Variants in VTI1A observed in about 807,000 individuals in gnomAD.
VTI1A encodes the protein vesicle transport through interaction with t-SNAREs 1A.
VTI1A carries 22 observed loss-of-function variants against 34.9 expected under a neutral mutation model. The ratio of observed to expected loss-of-function variants is 0.63; its 90% CI spans 0.45 to 0.90. VTI1A has a LOEUF of 0.90. VTI1A is among the 40% of genes least tolerant of loss of function. VTI1A has a pLI of 0.00. For synonymous variants in VTI1A, 87 were observed against 97.3 expected (o/e 0.89, Z 0.62); for missense variants, 268 against 275.6 (o/e 0.97, Z 0.20).
intron 7 of VTI1A, among the ~76,000 whole-genome samples, chr10:112,739,045 A>G (rs1483078392): frequency 6.6e-6 from 1 of 152,146 alleles, no homozygotes. Context: ...GGCAGGTGGA[A>G]TGTTGCACAG....
intron 7 of VTI1A, among the ~76,000 whole-genome samples, chr10:112,811,257 C>G (rs1853281182): frequency 6.6e-6 from 1 of 152,122 alleles, no homozygotes; most frequent in African/African-American, 2.4e-5. Context: ...CAATACAGCC[C>G]CTCCCTCCCC....
chr10:112,674,734 A>T (rs2133847892), intron 7 of VTI1A, among the ~76,000 whole-genome samples: 1 of 152,308 alleles, frequency 6.6e-6, no homozygotes, highest in African/African-American at 2.4e-5. Context: ...GGTGAGGCAA[A>T]CTGTGCTTAG....
At chr10:112,555,142 C>G (rs1205636873) in intron 5 of VTI1A, among the ~76,000 whole-genome samples, 3 of 151,948 alleles carry the variant, frequency 2.0e-5, no homozygotes, top group African/African-American at 7.2e-5. Context: ...TAACATGTTA[C>G]TATTTAATTT....
intron 5 of VTI1A, among the ~76,000 whole-genome samples, chr10:112,568,590 A>G (rs1278523812): frequency 1.3e-5 from 2 of 152,138 alleles, no homozygotes; most frequent in African/African-American, 4.8e-5. Context: ...AGCCAAGAGA[A>G]GTGTTCTGTA....
intron 3 of VTI1A, among the ~76,000 whole-genome samples, chr10:112,496,991 CAT>C (rs369825819): frequency 1.8e-3 from 270 of 152,220 alleles, no homozygotes; most frequent in African/African-American, 6.0e-3. Context: ...AGAAGGGAAA[CAT>C]ATGAGGACAT....
Position 112,624,299 on chromosome 10 carries a change from A to G in VTI1A, c.428-43919A>G, listed in dbSNP as rs137858265. On this transcript the variant is annotated intron_variant, in intron 5 of 7. Transcript: ENST00000393077. ...AGTCTAGAATGAAATGTGAAGGGGG[A>G]AAAAAAAGTATGAAATGAGCCATTG... Among the ~76,000 whole-genome samples, 529 of 152,124 alleles carry G rather than the reference A, an allele frequency of 3.5e-3. 3 individuals carry two copies. The highest frequency in any genetic ancestry group is 0.012 in the African/African-American group (512 of 41,560).
At chr10:112,634,514 T>TACACACAC (rs10545562) in intron 5 of VTI1A, among the ~76,000 whole-genome samples, 2 of 144,226 alleles carry the variant, frequency 1.4e-5, no homozygotes, top group South Asian at 2.3e-4. Flanking sequence ...CACACACACA[T>TACACACAC]ACACACACAC....
chr10:112,835,061 TAAAG>T, the VTI1A span, among the ~76,000 whole-genome samples: 1 of 152,104 alleles, frequency 6.6e-6, no homozygotes, highest in Non-Finnish European at 1.5e-5. Context: ...CTGAGTCAAA[TAAAG>T]CATGCTTAGA....
At chr10:112,514,244 A>G (rs987108326) in intron 3 of VTI1A, among the ~76,000 whole-genome samples, 2 of 151,820 alleles carry the variant, frequency 1.3e-5, no homozygotes, top group Non-Finnish European at 2.9e-5. Flanking sequence ...TTGGTAGGCT[A>G]TATGTGCCTA....
At chr10:112,600,978 A>G (rs1296606623) in intron 5 of VTI1A, among the ~76,000 whole-genome samples, 1 of 152,242 alleles carries the variant, frequency 6.6e-6, no homozygotes, top group Non-Finnish European at 1.5e-5. Context: ...TCTAGTAAAG[A>G]AGACAAATTT....
intron 3 of VTI1A, among the ~76,000 whole-genome samples, chr10:112,472,001 T>C (rs1394622016): frequency 1.3e-5 from 2 of 152,222 alleles, no homozygotes; most frequent in Admixed American, 6.5e-5. Context: ...CTAAAGGTTA[T>C]GAGGACATGG....
At chr10:112,477,341 A>G (rs1200058294) in intron 3 of VTI1A, among the ~76,000 whole-genome samples, 1 of 152,232 alleles carries the variant, frequency 6.6e-6, no homozygotes, top group Non-Finnish European at 1.5e-5. Context: ...AAGTGCGATC[A>G]TATTGGGAAA....
At chr10:112,518,204 T>C (rs1471389209) in intron 3 of VTI1A, among the ~76,000 whole-genome samples, 2 of 151,986 alleles carry the variant, frequency 1.3e-5, no homozygotes, top group Non-Finnish European at 2.9e-5. Flanking sequence ...TTATTGCATG[T>C]AAAATAGTCT....
At chr10:112,601,399 C>G (rs1160934942) in intron 5 of VTI1A, among the ~76,000 whole-genome samples, 1 of 150,064 alleles carries the variant, frequency 6.7e-6, no homozygotes, top group Non-Finnish European at 1.5e-5. Context: ...AGGTTCTCGG[C>G]TAAAATTCTG....
intron 7 of VTI1A, among the ~76,000 whole-genome samples, chr10:112,791,462 C>A (rs925066229): frequency 1.3e-5 from 2 of 152,152 alleles, no homozygotes; most frequent in Non-Finnish European, 2.9e-5. Flanking sequence ...ACCCACTCAT[C>A]AGGTGATTGG....
chr10:112,705,016 G>C (rs1229194851), intron 7 of VTI1A, among the ~76,000 whole-genome samples: 1 of 151,630 alleles, frequency 6.6e-6, no homozygotes, highest in African/African-American at 2.4e-5. Context: ...AGCCTCCCAA[G>C]TAGTAGGACT....
chr10:112,763,256 C>G (rs970629992), intron 7 of VTI1A, among the ~76,000 whole-genome samples: 2 of 151,930 alleles, frequency 1.3e-5, no homozygotes, highest in Non-Finnish European at 2.9e-5. Context: ...CTGGCTAACA[C>G]GGTGAAACCC....
intron 5 of VTI1A, among the ~76,000 whole-genome samples, chr10:112,592,996 A>G (rs773928178): frequency 4.6e-5 from 7 of 152,226 alleles, no homozygotes; most frequent in Non-Finnish European, 1.0e-4. Flanking sequence ...GAGATTATTC[A>G]GTTTAAAGGA....
intron 7 of VTI1A, among the ~76,000 whole-genome samples, chr10:112,751,314 C>T (rs1257855303): frequency 1.3e-5 from 2 of 152,038 alleles, no homozygotes; most frequent in Non-Finnish European, 2.9e-5. Flanking sequence ...TGCCAGGGCA[C>T]GTAGAGAGAG....
Sources: allele counts gnomAD v4.1 joint callset (sites outside exome capture counted in the v4.1 genomes callset), GRCh38; gene constraint gnomAD v4.1.1; transcripts MANE v1.5; gene names NCBI Gene and HGNC (gene_info 2026-07-23, HGNC 2026-07-21).